LDLRAP1: variants seen among roughly 807,000 people sequenced by gnomAD.
LDLRAP1 encodes the protein low density lipoprotein receptor adapter protein 1.
Under a neutral mutation model 37.8 loss-of-function variants are expected in LDLRAP1, and 30 were observed. The observed-to-expected ratio is 0.79, with a 90% confidence interval of 0.59 to 1.08. LDLRAP1 has a LOEUF of 1.08. LDLRAP1 is among the 50% of genes least tolerant of loss of function. The pLI is 0.00. For synonymous variants in LDLRAP1, 156 were observed against 169.8 expected, an observed-to-expected ratio of 0.92 and a Z score of 0.63; for missense variants, 375 against 401.6, an observed-to-expected ratio of 0.93 and a Z score of 0.57.
rs1379946196 is a variant in LDLRAP1 at position 25,555,633 on chromosome 1, C to G, written c.344+661C>G. On this transcript the variant is annotated intron_variant, in intron 3 of 8. Coordinates refer to ENST00000374338, the MANE Select transcript of LDLRAP1 (RefSeq NM_015627.3). This position sits in a 1 kb window ranked among gnomAD's most constrained non-coding sequence, Gnocchi z 4.7. ...GGCCAGAGCCCTGTCCAGCAGGCTCCCGTCTGCCTGGCATCCCTCCACCCT... is the reference window on the plus strand; with the variant it reads ...GGCCAGAGCCCTGTCCAGCAGGCTCGCGTCTGCCTGGCATCCCTCCACCCT... Among the ~76,000 whole-genome samples, 1 of 152,182 alleles carries G rather than the reference C, an allele frequency of 6.6e-6. No individual in the cohort carries two copies. The highest frequency in any genetic ancestry group is 1.5e-5 in the Non-Finnish European group (1 of 68,038).
At chr1:25,570,087 T>C (rs913286167), downstream of LDLRAP1, among the ~76,000 whole-genome samples, 1 of 152,202 alleles carries the variant, frequency 6.6e-6, no homozygotes, top group Non-Finnish European at 1.5e-5. Flanking sequence ...CCTTTGAAAC[T>C]GGTATTTTAA....
chr1:25,562,449 C>T (rs1248413775), intron 4 of LDLRAP1, among the ~76,000 whole-genome samples, 195 bp from the exon 5 acceptor site: 1 of 152,216 alleles, frequency 6.6e-6, no homozygotes, highest in African/African-American at 2.4e-5. Flanking sequence ...TTATGACACC[C>T]CAGGCTGCTT....
Position 25,552,311 on chromosome 1 carries a change from C to T in LDLRAP1, c.89-1611C>T, listed in dbSNP as rs140879222. On this transcript the variant is annotated intron_variant, in intron 1 of 8. Transcript: ENST00000374338. ...TCAGCTGCCCTGGAACTAGCAATAC[C>T]CAAACTTTCTTCCTGTGGCTTTTCA... is the stretch of plus-strand genomic sequence containing the variant. Among the ~76,000 whole-genome samples the T allele has an allele frequency of 4.6e-5, 7 of 152,316 alleles. No individual in the cohort carries two copies. In the East Asian group the frequency reaches 1.3e-3, roughly 29 times the overall value.
intron 6 of LDLRAP1, 98 bp downstream of exon 6, chr1:25,563,251 GT>G: frequency 1.1e-6 from 1 of 904,570 alleles, no homozygotes; most frequent in Non-Finnish European, 1.7e-6. Context: ...GAGCCTCTTG[GT>G]TTTTCACTTG....
downstream of LDLRAP1, among the ~76,000 whole-genome samples, chr1:25,573,601 G>A (rs1231468395): frequency 1.3e-5 from 2 of 152,212 alleles, no homozygotes; most frequent in African/African-American, 4.8e-5. Context: ...CCCCAACACT[G>A]TTGGGGGGCA....
chr1:25,567,405 C>G lies in LDLRAP1; in HGVS notation c.*413C>G, dbSNP rs1572061530. ...AGGACCCAAATTTCCCTGGGGGCAT[C>G]CTGCTTCCTGAAAGCTGTTGGATTT... On this transcript the variant is annotated 3_prime_UTR_variant, in exon 9 of 9. Coordinates refer to ENST00000374338, the MANE Select transcript of LDLRAP1 (RefSeq NM_015627.3). 2 of 314,904 alleles carry G rather than the reference C, an allele frequency of 6.4e-6. No homozygotes were observed. The highest frequency in any genetic ancestry group is 5.3e-5 in the South Asian group (2 of 37,720). 19.5% of individuals were successfully genotyped at this position (314,904 alleles called of 1,614,324 possible).
chr1:25,553,961 T>C lies in LDLRAP1; in HGVS notation c.128T>C (p.Leu43Pro). The part of the protein sequence containing the change: ...ENWTDTRETL[L>P]EGMLFSLKYL... ...TGGACAGACACGCGGGAGACGCTGC[T>C]GGAGGGGATGCTGTTCAGCCTCAAG... The change falls in exon 2 of 9, where the codon CTG (leucine) becomes CCG (proline). Residue 43 changes from leucine to proline, a missense_variant. Leu to Pro is a moderately conservative substitution (Grantham distance 98, BLOSUM62 -3). Transcript: ENST00000374338. 1 of 1,614,022 alleles carries C rather than the reference T, an allele frequency of 6.2e-7. No individual in the cohort carries two copies. The highest frequency in any genetic ancestry group is 1.7e-5 in the Admixed American group (1 of 60,020).
the LDLRAP1 span, among the ~76,000 whole-genome samples, chr1:25,576,945 G>C: frequency 1.3e-5 from 2 of 152,168 alleles, no homozygotes; most frequent in Admixed American, 6.5e-5. Flanking sequence ...CAGCGGTGGG[G>C]TTCAGGCCTG....
chr1:25,553,909 T>A lies in LDLRAP1; in HGVS notation c.89-13T>A, dbSNP rs766873023. 6.2e-7 allele frequency: 1 copy of A among 1,613,140 alleles called. No homozygotes were observed. Among genetic ancestry groups the A allele is most frequent in the East Asian group, 2.2e-5 (1 of 44,872 alleles). On this transcript the variant is annotated splice_polypyrimidine_tract_variant and intron_variant, in intron 1 of 8. Coordinates refer to ENST00000374338, the MANE Select transcript of LDLRAP1 (RefSeq NM_015627.3). ...AGCCGCAGGGTCTGAGGGCCTACCCTGTGCTACCCCAGAGCTGCCTGAGAA... is the reference window on the plus strand; with the variant it reads ...AGCCGCAGGGTCTGAGGGCCTACCCAGTGCTACCCCAGAGCTGCCTGAGAA...
At position 25,563,082 on chromosome 1, in the gene LDLRAP1, G is replaced by A; in HGVS notation, c.545G>A (p.Arg182Lys). 6.2e-7 allele frequency: 1 copy of A among 1,614,136 alleles called. No individual in the cohort carries two copies. The highest frequency in any genetic ancestry group is 8.5e-7 in the Non-Finnish European group (1 of 1,180,002). The change falls in exon 6 of 9, where the codon AGG becomes AAG. Residue 182 changes from arginine (R) to lysine (K), a missense_variant. Coordinates refer to ENST00000374338, the MANE Select transcript of LDLRAP1 (RefSeq NM_015627.3). ...CTTGGTCCTGCAGAGAAAGAGAAGA[G>A]GGACAAAGCCAGCCAAGAGGGAGGG... ...WQVSKEEKEKRDKASQEGGDV... is the reference protein window; with the variant it reads ...WQVSKEEKEKKDKASQEGGDV...
chr1:25,548,633 G>C (rs989250216), intron 1 of LDLRAP1, among the ~76,000 whole-genome samples: 1 of 151,938 alleles, frequency 6.6e-6, no homozygotes, highest in Non-Finnish European at 1.5e-5. Context: ...ACAGACATGA[G>C]CTACCACGCC....
Position 25,563,717 on chromosome 1 carries a change from A to G in LDLRAP1, c.673A>G (p.Thr225Ala), listed in dbSNP as rs767432973. The change falls in exon 7 of 9, where the codon ACG becomes GCG. Residue 225 changes from threonine (T) to alanine (A), a missense_variant. By Grantham distance (58) the Thr-to-Ala change is moderately conservative. Coordinates refer to ENST00000374338, the MANE Select transcript of LDLRAP1 (RefSeq NM_015627.3). ...GGAGACAGCTAAGGCCCCGCTGTCC[A>G]CGGTCAGCGCCAACACCACCAACAT... ...LEETAKAPLS[T>A]VSANTTNMDE... 2.5e-6 allele frequency: 4 copies of G among 1,613,984 alleles called. No individual in the cohort carries two copies. Among genetic ancestry groups the G allele is most frequent in the Middle Eastern group, 1.7e-4 (1 of 6,060 alleles).
At chr1:25,584,665 G>T in the LDLRAP1 span, among the ~76,000 whole-genome samples, 1 of 152,238 alleles carries the variant, frequency 6.6e-6, no homozygotes, top group Non-Finnish European at 1.5e-5. Flanking sequence ...ATATGAAGCT[G>T]AAGCTTCATA....
At chr1:25,573,144 A>G (rs1018698658), downstream of LDLRAP1, among the ~76,000 whole-genome samples, 1 of 152,100 alleles carries the variant, frequency 6.6e-6, no homozygotes, top group African/African-American at 2.4e-5. Context: ...CCCCAGGGGT[A>G]AGGCCCACCC....
chr1:25,553,384 C>T (rs1008903060), intron 1 of LDLRAP1: 6 of 156,452 alleles, frequency 3.8e-5, no homozygotes, highest in African/African-American at 1.4e-4. Flanking sequence ...CACTTCCTGG[C>T]TCTCTGGACT....
chr1:25,550,258 G>T (rs1444416098), intron 1 of LDLRAP1, among the ~76,000 whole-genome samples: 3 of 152,154 alleles, frequency 2.0e-5, no homozygotes, highest in African/African-American at 7.2e-5. Context: ...CAGAGCTGTT[G>T]TTTCCCCCAT....
chr1:25,586,590 G>A, the LDLRAP1 span, among the ~76,000 whole-genome samples: 2 of 127,182 alleles, frequency 1.6e-5, no homozygotes, highest in Non-Finnish European at 1.5e-5. The surrounding 1 kb of genome is among the most constrained non-coding windows in gnomAD (Gnocchi z 4.3). Context: ...GCGCGCGTGT[G>A]TGTGTGTGTA....
intron 7 of LDLRAP1, 127 bp downstream of exon 7, chr1:25,563,918 C>A: frequency 8.2e-7 from 1 of 1,216,072 alleles, no homozygotes; most frequent in Non-Finnish European, 1.2e-6. Flanking sequence ...AGACCCAGCC[C>A]GGTAGTGCCC....
the LDLRAP1 span, among the ~76,000 whole-genome samples, chr1:25,575,908 T>C: frequency 6.6e-6 from 1 of 152,124 alleles, no homozygotes; most frequent in East Asian, 1.9e-4. Context: ...AGAGCCAGGA[T>C]TTGAACCAGG....
Sources: gnomAD v4.1 joint callset for allele counts (sites outside exome capture counted in the v4.1 genomes callset) on GRCh38, gnomAD v4.1.1 for gene constraint, Gnocchi (gnomAD v3.1) non-coding constraint, MANE v1.5 for transcripts, NCBI Gene and HGNC (gene_info 2026-07-23, HGNC 2026-07-21) for gene names.